The following FGF10 variants were observed in gnomAD, a reference collection of about 807,000 sequenced individuals.
FGF10 encodes the protein fibroblast growth factor 10.
Under a neutral mutation model 19.8 loss-of-function variants are expected in FGF10, and 2 were observed. The ratio of observed to expected loss-of-function variants is 0.10; its 90% CI spans 0.04 to 0.32. The LOEUF (loss-of-function observed/expected upper bound fraction) is 0.32. FGF10 is among the 10% of genes least tolerant of loss of function. The probability of loss-of-function intolerance (pLI) is 1.00; values close to 1 mark genes in which losing one functional copy is unlikely to be tolerated. For missense variants in FGF10, 191 were observed against 246.3 expected, an observed-to-expected ratio of 0.78 and a Z score of 1.50; for synonymous variants, 112 against 94.0, an observed-to-expected ratio of 1.19 and a Z score of -1.10.
Position 44,388,715 on chromosome 5 carries a change from C to T in FGF10, c.-33G>A, listed in dbSNP as rs17233910. 4,166 of 1,609,748 alleles carry T rather than the reference C, an allele frequency of 2.6e-3. 107 individuals carry two copies. In the African/African-American group the frequency reaches 0.049, roughly 19 times the overall value. ...AAACTCTCGGCACTGGAAATTGTCT[C>T]ATCAGAAGGAACATACTGGAAGGGT... On this transcript the variant is annotated 5_prime_UTR_variant, in exon 1 of 3. An upstream start codon of the reference 5' UTR is lost. Transcript: ENST00000264664.
At chr5:44,312,269 C>T (rs777117262) in intron 1 of FGF10, among the ~76,000 whole-genome samples, 13 of 151,710 alleles carry the variant, frequency 8.6e-5, no homozygotes, top group Non-Finnish European at 1.9e-4. Flanking sequence ...ACACAATAGC[C>T]CTCTAAGGAT....
chr5:44,320,090 T>A (rs777560599), intron 1 of FGF10, among the ~76,000 whole-genome samples: 1 of 152,148 alleles, frequency 6.6e-6, no homozygotes, highest in Non-Finnish European at 1.5e-5. Context: ...GCATGCTTCT[T>A]ATGACAATCT....
rs202058604 is a variant in FGF10, at chr5:44,310,433, A to G, written c.423T>C (p.Tyr141=). Residue 141 remains tyrosine, a synonymous_variant, in exon 2 of 3, where the codon TAT becomes TAC. Transcript: ENST00000264664. Reference sequence around the variant, plus strand: ...ACAAAAGCAGAATACTTACTGAGCCATAGAGTTTCCCCTTCTTGTTCATGG... The same window carrying G: ...ACAAAAGCAGAATACTTACTGAGCCGTAGAGTTTCCCCTTCTTGTTCATGG... ...YLAMNKKGKL[Y]GSKEFNNDCK... The G allele has an allele frequency of 3.0e-5, 49 of 1,607,026 alleles. No individual in the cohort carries two copies. Among genetic ancestry groups the G allele is most frequent in the Middle Eastern group, 3.3e-4 (2 of 6,064 alleles).
At chr5:44,308,283 A>C (rs17234555) in intron 2 of FGF10, among the ~76,000 whole-genome samples, 1 of 152,232 alleles carries the variant, frequency 6.6e-6, no homozygotes, top group Non-Finnish European at 1.5e-5. Flanking sequence ...TTTTTATGTC[A>C]GAGTTTATTT....
chr5:44,325,755 G>A (rs983906046), intron 1 of FGF10, among the ~76,000 whole-genome samples: 2 of 151,642 alleles, frequency 1.3e-5, no homozygotes, highest in African/African-American at 4.8e-5. Flanking sequence ...ATAGCATTAG[G>A]ACATATACCT....
rs1363073521 is a variant in FGF10, at chr5:44,344,576, G to C, written c.326-34046C>G. Among the ~76,000 whole-genome samples the C allele has an allele frequency of 2.0e-5, 3 of 148,752 alleles. No individual in the cohort carries two copies. The East Asian group carries it at 6.0e-4, about 30-fold the overall frequency. ...TTACTGTTTTGTTTTCTCTGTGTGT[G>C]TGTGTGTGTGTGTGTGTGTGTGTGT... On this transcript the variant is annotated intron_variant, in intron 1 of 2. Coordinates refer to ENST00000264664, the MANE Select transcript of FGF10 (RefSeq NM_004465.2).
intron 1 of FGF10, among the ~76,000 whole-genome samples, chr5:44,319,150 A>G (rs1416912644): frequency 1.3e-5 from 2 of 152,140 alleles, no homozygotes; most frequent in East Asian, 1.9e-4. Context: ...AAGATTTTAT[A>G]TCTTGTTCAT....
chr5:44,363,987 A>G (rs548954768), intron 1 of FGF10, among the ~76,000 whole-genome samples: 3 of 151,790 alleles, frequency 2.0e-5, no homozygotes, highest in Non-Finnish European at 4.4e-5. Context: ...AGAATTCACT[A>G]TATATTTCAG....
At chr5:44,380,134 T>G (rs188775697) in intron 1 of FGF10, among the ~76,000 whole-genome samples, 1 of 152,212 alleles carries the variant, frequency 6.6e-6, no homozygotes, top group Non-Finnish European at 1.5e-5. Flanking sequence ...GGTATCTTAC[T>G]TTAGACTATC....
intron 1 of FGF10, among the ~76,000 whole-genome samples, chr5:44,357,262 G>A (rs1451303443): frequency 6.6e-6 from 1 of 151,430 alleles, no homozygotes; most frequent in African/African-American, 2.4e-5. Context: ...TTCTTTTACA[G>A]AGGAGGAATC....
At chr5:44,325,536 C>T (rs1044603930) in intron 1 of FGF10, among the ~76,000 whole-genome samples, 2 of 152,076 alleles carry the variant, frequency 1.3e-5, no homozygotes, top group Non-Finnish European at 2.9e-5. Context: ...ACATATACAC[C>T]ATGGAATACT....
chr5:44,361,655 T>C (rs1325490647), intron 1 of FGF10, among the ~76,000 whole-genome samples: 1 of 151,652 alleles, frequency 6.6e-6, no homozygotes, highest in Non-Finnish European at 1.5e-5. Context: ...GAAGTCTGTC[T>C]TGCATAGTCT....
chr5:44,349,134 T>C (rs1741158300), intron 1 of FGF10, among the ~76,000 whole-genome samples: 2 of 151,108 alleles, frequency 1.3e-5, no homozygotes, highest in South Asian at 4.2e-4. Flanking sequence ...TTTTCTAGGA[T>C]ACTTTGGTTA....
rs1740485475 is a variant in FGF10, at chr5:44,321,465, A to T, written c.326-10935T>A. 3.3e-5 allele frequency among the ~76,000 whole-genome samples: 5 copies of T among 152,300 alleles called. No individual in the cohort carries two copies. In the South Asian group the frequency reaches 1.0e-3, roughly 32 times the overall value. ...AGCTGCATAAACATTCAAGTCTTTG[A>T]ATGAATATATATCAAGAAAACTGAA... On this transcript the variant is annotated intron_variant, in intron 1 of 2. Coordinates refer to ENST00000264664, the MANE Select transcript of FGF10 (RefSeq NM_004465.2).
chr5:44,332,218 A>G (rs1351981833), intron 1 of FGF10, among the ~76,000 whole-genome samples: 1 of 152,144 alleles, frequency 6.6e-6, no homozygotes, highest in African/African-American at 2.4e-5. Flanking sequence ...TATGAATTTG[A>G]AACAGCCAGT....
At chr5:44,355,383 CA>C (rs1427455208) in intron 1 of FGF10, among the ~76,000 whole-genome samples, 1 of 151,108 alleles carries the variant, frequency 6.6e-6, no homozygotes. Flanking sequence ...AGATCAAACA[CA>C]AAGAGAAAAC....
intron 1 of FGF10, among the ~76,000 whole-genome samples, chr5:44,338,190 T>C (rs1268040608): frequency 6.6e-6 from 1 of 152,170 alleles, no homozygotes; most frequent in Non-Finnish European, 1.5e-5. Context: ...CCATTTAATA[T>C]ATTATCTTAA....
chr5:44,320,894 A>G lies in FGF10; in HGVS notation c.326-10364T>C, dbSNP rs1440199014. The stretch of plus-strand genomic sequence containing the variant: ...CATGCCTGATTTTTGTATTTTTTGT[A>G]TATATGGGGTTTCACCATGTTGCTC... On this transcript the variant is annotated intron_variant, in intron 1 of 2. Coordinates refer to ENST00000264664, the MANE Select transcript of FGF10 (RefSeq NM_004465.2). 5.9e-5 allele frequency among the ~76,000 whole-genome samples: 9 copies of G among 151,754 alleles called. No homozygotes were observed. In the East Asian group the frequency reaches 1.8e-3, roughly 30 times the overall value.
intron 1 of FGF10, among the ~76,000 whole-genome samples, chr5:44,371,509 G>A (rs1036753583): frequency 2.0e-5 from 3 of 152,068 alleles, no homozygotes; most frequent in East Asian, 3.9e-4. Flanking sequence ...AAATAGGAAA[G>A]GTTCCCATTG....
Sources: gnomAD v4.1 joint callset for allele counts (sites outside exome capture counted in the v4.1 genomes callset) on GRCh38, gnomAD v4.1.1 for gene constraint, MANE v1.5 for transcripts, NCBI Gene and HGNC (gene_info 2026-07-23, HGNC 2026-07-21) for gene names.